The following RNLS variants were observed in gnomAD, a reference collection of about 807,000 sequenced individuals.
RNLS encodes renalase, FAD dependent amine oxidase.
In RNLS, 39 loss-of-function variants were observed where a neutral mutation model predicts 39.8. The ratio of observed to expected loss-of-function variants is 0.98; its 90% CI spans 0.76 to 1.28. RNLS has a LOEUF of 1.28. Ranked by LOEUF, RNLS falls within the 50% of genes most tolerant of loss-of-function variation. RNLS has a pLI of 0.00. For synonymous variants in RNLS, 147 were observed against 150.7 expected (o/e 0.98, Z 0.18); for missense variants, 410 against 413.3 (o/e 0.99, Z 0.07).
At chr10:88,188,759 G>A in the RNLS span, among the ~76,000 whole-genome samples, 2 of 152,174 alleles carry the variant, frequency 1.3e-5, no homozygotes, top group Non-Finnish European at 2.9e-5. Context: ...ACCAGCTACA[G>A]TTACCAGCTG....
At chr10:88,443,389 C>T (rs988145943) in intron 4 of RNLS, among the ~76,000 whole-genome samples, 4 of 152,140 alleles carry the variant, frequency 2.6e-5, no homozygotes, top group Admixed American at 1.3e-4. Context: ...CCAGCGTGAG[C>T]GACACAGAAG....
At chr10:88,301,995 A>T (rs1357948029) in intron 6 of RNLS, among the ~76,000 whole-genome samples, 1 of 152,214 alleles carries the variant, frequency 6.6e-6, no homozygotes, top group Non-Finnish European at 1.5e-5. Context: ...TCCTCTTATT[A>T]CTACTACTGG....
the RNLS span, among the ~76,000 whole-genome samples, chr10:88,184,398 T>G: frequency 6.6e-6 from 1 of 152,162 alleles, no homozygotes. Context: ...TCTTTCAAGT[T>G]CTTCAATGGG....
chr10:88,180,587 C>T, the RNLS span, among the ~76,000 whole-genome samples: 7 of 152,038 alleles, frequency 4.6e-5, no homozygotes, highest in African/African-American at 7.2e-5. Flanking sequence ...TGTACGTGTG[C>T]GTGTGTTGTA....
chr10:88,522,712 T>C (rs941305834), intron 4 of RNLS, among the ~76,000 whole-genome samples: 1 of 151,954 alleles, frequency 6.6e-6, no homozygotes, highest in Non-Finnish European at 1.5e-5. Context: ...TCAAAGAGAT[T>C]AAAGGAACAA....
intron 4 of RNLS, among the ~76,000 whole-genome samples, chr10:88,507,821 T>A (rs796403878): frequency 2.6e-5 from 4 of 152,278 alleles, no homozygotes; most frequent in African/African-American, 9.6e-5. Context: ...AATCTACTGA[T>A]AAAAGAATGC....
chr10:88,360,445 TA>T (rs530979884), intron 5 of RNLS, among the ~76,000 whole-genome samples: 4 of 152,210 alleles, frequency 2.6e-5, no homozygotes, highest in Non-Finnish European at 4.4e-5. Context: ...TTATTGTTAT[TA>T]TTTTTTGAGA....
intron 5 of RNLS, among the ~76,000 whole-genome samples, chr10:88,352,428 A>T (rs1848787244): frequency 6.6e-6 from 1 of 152,190 alleles, no homozygotes; most frequent in Admixed American, 6.5e-5. Flanking sequence ...GAATTTTGTC[A>T]AAGGCCTTTT....
At position 88,422,201 on chromosome 10, in the gene RNLS, C is replaced by T. The variant is rs567179131; in HGVS notation, c.527-59476G>A. On this transcript the variant is annotated intron_variant, in intron 4 of 6. Transcript: ENST00000331772. ...CAAATACTAAAGGTAGCCGTCCTAT[C>T]GGAAGAATGAAAATGCACTATTCCC... 2.4e-4 allele frequency among the ~76,000 whole-genome samples: 36 copies of T among 152,276 alleles called. No individual in the cohort carries two copies. In the South Asian group the frequency reaches 6.4e-3, roughly 27 times the overall value.
intron 4 of RNLS, among the ~76,000 whole-genome samples, chr10:88,476,674 T>G (rs1843839831): frequency 6.6e-6 from 1 of 152,186 alleles, no homozygotes; most frequent in African/African-American, 2.4e-5. Flanking sequence ...AAGTTGATGT[T>G]TTAAAAGAAC....
the RNLS span, among the ~76,000 whole-genome samples, chr10:88,211,699 G>A: frequency 6.6e-6 from 1 of 152,186 alleles, no homozygotes; most frequent in Non-Finnish European, 1.5e-5. Context: ...TAGAGATGGA[G>A]CTGAGAAGGT....
intron 4 of RNLS, among the ~76,000 whole-genome samples, chr10:88,473,172 C>A (rs185601355): frequency 6.6e-6 from 1 of 152,034 alleles, no homozygotes; most frequent in South Asian, 2.1e-4. Flanking sequence ...AGAAAAGGTA[C>A]AGTAAAAATA....
At chr10:88,387,746 T>C (rs2133560270) in intron 4 of RNLS, among the ~76,000 whole-genome samples, 1 of 152,272 alleles carries the variant, frequency 6.6e-6, no homozygotes, top group East Asian at 1.9e-4. Flanking sequence ...ACACTTTTGA[T>C]ATGGAGCAGG....
intron 4 of RNLS, among the ~76,000 whole-genome samples, chr10:88,564,510 T>C (rs918870447): frequency 3.3e-5 from 5 of 152,062 alleles, no homozygotes; most frequent in Non-Finnish European, 7.4e-5. Context: ...ATCTAATGTT[T>C]AAGGGTCAGG....
In RNLS at chr10:88,303,294, T is replaced by C. The variant is rs190094760; in HGVS notation, c.876+11172A>G. ...AGTGAAGTACAGCCAGGGATGGCCATGCCCCTAGGCTTGACTTGCTCCTAG... is the reference window on the plus strand; with the variant it reads ...AGTGAAGTACAGCCAGGGATGGCCACGCCCCTAGGCTTGACTTGCTCCTAG... On this transcript the variant is annotated intron_variant, in intron 6 of 6. Transcript: ENST00000331772. Among the ~76,000 whole-genome samples the C allele has an allele frequency of 9.8e-5, 15 of 152,322 alleles. 1 individual carries two copies. The East Asian group carries it at 2.5e-3, about 25-fold the overall frequency.
chr10:88,545,367 A>G, intron 4 of RNLS: 1 of 438,810 alleles, frequency 2.3e-6, no homozygotes, highest in South Asian at 1.7e-5. Context: ...TTTATAAAGA[A>G]AAAGAGGTTT....
At chr10:88,344,766 A>C (rs1848196394) in intron 5 of RNLS, among the ~76,000 whole-genome samples, 1 of 152,124 alleles carries the variant, frequency 6.6e-6, no homozygotes, top group Non-Finnish European at 1.5e-5. Flanking sequence ...GGAAAACTAT[A>C]TTTTAAATTC....
At chr10:88,525,157 C>T (rs2134215090) in intron 4 of RNLS, among the ~76,000 whole-genome samples, 1 of 151,318 alleles carries the variant, frequency 6.6e-6, no homozygotes, top group East Asian at 1.9e-4. Flanking sequence ...ACACTTAAAC[C>T]AAACATTTAA....
chr10:88,348,935 T>C lies in RNLS; in HGVS notation c.700+13617A>G, dbSNP rs114338855. The stretch of plus-strand genomic sequence containing the variant: ...AGATCCGAGCATCTTTTTATATTCA[T>C]GAGAACTCTTACTTGACTGCAAATT... On this transcript the variant is annotated intron_variant, in intron 5 of 6. Transcript: ENST00000331772. 2.5e-3 allele frequency among the ~76,000 whole-genome samples: 381 copies of C among 152,262 alleles called. 4 individuals carry two copies. Among genetic ancestry groups the C allele is most frequent in the African/African-American group, 7.7e-3 (322 of 41,558 alleles).
Sources: gnomAD v4.1 joint callset for allele counts (sites outside exome capture counted in the v4.1 genomes callset) on GRCh38, gnomAD v4.1.1 for gene constraint, MANE v1.5 for transcripts, NCBI Gene and HGNC (gene_info 2026-07-23, HGNC 2026-07-21) for gene names.